GIT1: variants seen among roughly 807,000 people sequenced by gnomAD.
GIT1 encodes the protein ARF GTPase-activating protein GIT1.
GIT1 carries 14 observed loss-of-function variants against 91.7 expected under a neutral mutation model. The ratio of observed to expected loss-of-function variants is 0.15; its 90% CI spans 0.10 to 0.24. The LOEUF is 0.24. Among genes scored for constraint, GIT1 ranks in the 10% least tolerant of loss-of-function variants. The pLI, the probability that GIT1 is intolerant of heterozygous loss-of-function variation, is 1.00. For synonymous variants in GIT1, 414 were observed against 418.2 expected (o/e 0.99, Z 0.12); for missense variants, 717 against 1,024.9 (o/e 0.70, Z 4.10).
intron 9 of GIT1, among the ~76,000 whole-genome samples, chr17:29,578,004 A>G (rs1202696860): frequency 6.6e-6 from 1 of 152,204 alleles, no homozygotes; most frequent in Non-Finnish European, 1.5e-5. Context: ...TGTGGCCAGG[A>G]AGGAGTGATG....
At position 29,576,120 on chromosome 17, in the gene GIT1, G is replaced by A. The variant is rs113257610; in HGVS notation, c.1623C>T (p.Asp541=). 24 of 1,613,742 alleles carry A rather than the reference G, an allele frequency of 1.5e-5. No homozygotes were observed. The highest frequency in any genetic ancestry group is 5.3e-5 in the African/African-American group (4 of 75,010). Residue 541 remains aspartate, a synonymous_variant, in exon 15 of 20, where the codon GAC becomes GAT. Coordinates refer to ENST00000225394, the MANE Select transcript of GIT1 (RefSeq NM_014030.4). ...GGACGTGCACTGAATAGATGGCGTC[G>A]TCCTCTAGCTCCTGGGGATGTTAGC... is the stretch of plus-strand genomic sequence containing the variant. ...LQPFHSTELE[D]DAIYSVHVPA...
chr17:29,583,466 C>G lies in GIT1; in HGVS notation c.186+17G>C. The G allele has an allele frequency of 1.9e-6, 3 of 1,609,500 alleles. No homozygotes were observed. Among genetic ancestry groups the G allele is most frequent in the Non-Finnish European group, 2.5e-6 (3 of 1,178,964 alleles). ...CTGCCTGAGGGGAAGGAAGAACCAC[C>G]CGACTGAGCCCTGTACCTGCAGCAG... is the stretch of plus-strand genomic sequence containing the variant. On this transcript the variant is annotated intron_variant, in intron 2 of 19. Coordinates refer to ENST00000225394, the MANE Select transcript of GIT1 (RefSeq NM_014030.4).
chr17:29,577,179 C>A lies in GIT1; in HGVS notation c.1050G>T (p.Glu350Asp). The A allele has an allele frequency of 1.2e-6, 2 of 1,614,010 alleles. No individual in the cohort carries two copies. Among genetic ancestry groups the A allele is most frequent in the Non-Finnish European group, 1.7e-6 (2 of 1,180,022 alleles). Residue 350 changes from glutamate (E) to aspartate (D), a missense_variant, in exon 11 of 20, where the codon GAG (glutamate) becomes GAT (aspartate). Physicochemically the swap from Glu to Asp is conservative, Grantham distance 45 (BLOSUM62 2). Transcript: ENST00000225394. ...FATLIIDILS[E>D]AKRRQQGKSL... ...TCTTGCCCTGCTGTCTCCGCTTGGC[C>A]TCACTGAGAATGTCGATGATCAAGG... is the stretch of plus-strand genomic sequence containing the variant.
At chr17:29,584,481 G>A (rs2033514460) in intron 1 of GIT1, among the ~76,000 whole-genome samples, 1 of 152,232 alleles carries the variant, frequency 6.6e-6, no homozygotes, top group South Asian at 2.1e-4. Flanking sequence ...GAGTTCCGGG[G>A]TTCTTCTCAA....
intron 7 of GIT1, among the ~76,000 whole-genome samples, chr17:29,579,827 G>A (rs2033339113): frequency 6.6e-6 from 1 of 152,070 alleles, no homozygotes. Context: ...GATAACCAAG[G>A]CTCAGAGAGG....
intron 1 of GIT1, among the ~76,000 whole-genome samples, chr17:29,584,425 T>C (rs1272158952): frequency 2.6e-5 from 4 of 152,192 alleles, no homozygotes; most frequent in Non-Finnish European, 4.4e-5. Context: ...TCCACTCTTT[T>C]GGGAAAAGTG....
At chr17:29,580,637 CAA>C (rs1333458646) in intron 7 of GIT1, among the ~76,000 whole-genome samples, 2 of 152,210 alleles carry the variant, frequency 1.3e-5, no homozygotes, top group Non-Finnish European at 2.9e-5. Context: ...CCAGCAGTCA[CAA>C]AGTTAGTCAC....
chr17:29,586,955 G>T (rs140558637), intron 1 of GIT1, among the ~76,000 whole-genome samples: 124 of 152,294 alleles, frequency 8.1e-4, no homozygotes, highest in African/African-American at 2.9e-3. Context: ...CTTGTCCTGT[G>T]TGCCCATGCC....
chr17:29,589,605 C>T lies in GIT1; in HGVS notation c.-227G>A, dbSNP rs1488191179. Reference sequence around the variant, plus strand: ...CGCCCCGCGCCGCCCCGCCGCCGCTCGCGGCTCCTCTCTCCGCCCCCTGCG... The same window carrying T: ...CGCCCCGCGCCGCCCCGCCGCCGCTTGCGGCTCCTCTCTCCGCCCCCTGCG... On this transcript the variant is annotated 5_prime_UTR_variant, in exon 1 of 20. Coordinates refer to ENST00000225394, the MANE Select transcript of GIT1 (RefSeq NM_014030.4). The surrounding 1 kb of genome is among the most constrained non-coding windows in gnomAD (Gnocchi z 5.2). 1 of 148,624 alleles carries T rather than the reference C, an allele frequency of 6.7e-6. No homozygotes were observed. Among genetic ancestry groups the T allele is most frequent in the Non-Finnish European group, 1.5e-5 (1 of 66,614 alleles). The allele number at this position is 148,624 out of a possible 1,614,324, so 9.2% of individuals were successfully genotyped here.
chr17:29,577,802 G>A (rs1598568492), intron 9 of GIT1, 60 bp from the exon 10 acceptor site: 5 of 1,004,994 alleles, frequency 5.0e-6, no homozygotes, highest in East Asian at 4.8e-5. Flanking sequence ...GGTGGGGGTG[G>A]GGAAGCACTG....
intron 1 of GIT1, among the ~76,000 whole-genome samples, chr17:29,584,997 C>T (rs538058435): frequency 1.7e-4 from 23 of 137,532 alleles, no homozygotes; most frequent in Non-Finnish European, 3.2e-4. Context: ...GAGTCCCGCT[C>T]TGTCGCCCAG....
At chr17:29,576,817 C>A in intron 12 of GIT1, 46 bp downstream of exon 12, 1 of 1,577,038 alleles carries the variant, frequency 6.3e-7, no homozygotes, top group Non-Finnish European at 8.6e-7. Flanking sequence ...TCAGCGAAGG[C>A]CTGGGTCAGG....
chr17:29,574,450 A>G lies in GIT1; in HGVS notation c.*252T>C. The G allele has an allele frequency of 1.9e-6, 1 of 525,116 alleles. No homozygotes were observed. The highest frequency in any genetic ancestry group is 3.3e-5 in the Admixed American group (1 of 30,222). The allele number at this position is 525,116 out of a possible 1,614,324, so 32.5% of individuals were successfully genotyped here. ...GATGCCTTGCAGGCCCCTGCTCACT[A>G]GGAGGGGGGAGATGCTATATACAGA... is the stretch of plus-strand genomic sequence containing the variant. On this transcript the variant is annotated 3_prime_UTR_variant, in exon 20 of 20. Transcript: ENST00000225394.
intron 1 of GIT1, among the ~76,000 whole-genome samples, chr17:29,585,798 C>CG (rs2033574065): frequency 6.6e-6 from 1 of 152,254 alleles, no homozygotes; most frequent in African/African-American, 2.4e-5. Flanking sequence ...AAACCTGGGA[C>CG]GGAAAGGACA....
At chr17:29,584,754 G>A (rs2033529153) in intron 1 of GIT1, among the ~76,000 whole-genome samples, 1 of 152,278 alleles carries the variant, frequency 6.6e-6, no homozygotes, top group African/African-American at 2.4e-5. Context: ...CATCAGGGGA[G>A]GGACAGGCTT....
chr17:29,575,471 C>G lies in GIT1; in HGVS notation c.1827-1G>C, dbSNP rs761307212. ...CTCTAGAAACCTCTTCCCTTCCAGC[C>G]TGAGGCCCAGGTCCAGAAAACAGAG... On this transcript the variant is annotated splice_acceptor_variant, in intron 17 of 19. Coordinates refer to ENST00000225394, the MANE Select transcript of GIT1 (RefSeq NM_014030.4). LOFTEE classifies it high-confidence loss of function. This position sits in a 1 kb window ranked among gnomAD's most constrained non-coding sequence, Gnocchi z 5.5. The G allele has an allele frequency of 1.2e-6, 2 of 1,600,204 alleles. No homozygotes were observed. Among genetic ancestry groups the G allele is most frequent in the South Asian group, 2.2e-5 (2 of 89,626 alleles).
intron 1 of GIT1, among the ~76,000 whole-genome samples, chr17:29,586,509 T>C (rs892430290): frequency 9.2e-5 from 14 of 151,984 alleles, no homozygotes; most frequent in Admixed American, 9.2e-4. Context: ...GGATGAACAC[T>C]CAGGTGCAGG....
At position 29,575,315 on chromosome 17, in the gene GIT1, C is replaced by T. The variant is rs925891052; in HGVS notation, c.1982G>A (p.Arg661Gln). 1.2e-6 allele frequency: 2 copies of T among 1,613,014 alleles called. No individual in the cohort carries two copies. The highest frequency in any genetic ancestry group is 1.7e-6 in the Non-Finnish European group (2 of 1,179,748). The change falls in exon 18 of 20, where the codon CGG (arginine) becomes CAG (glutamine). Residue 661 changes from arginine to glutamine, a missense_variant. By Grantham distance (43) the Arg-to-Gln change is conservative. Coordinates refer to ENST00000225394, the MANE Select transcript of GIT1 (RefSeq NM_014030.4). The surrounding 1 kb of genome is among the most constrained non-coding windows in gnomAD (Gnocchi z 5.5). ...GTCATGCTTGAACTCCTGGGCTGCCCGCAACAGTTCCTGAATGTTCTTGGT... is the reference window on the plus strand; with the variant it reads ...GTCATGCTTGAACTCCTGGGCTGCCTGCAACAGTTCCTGAATGTTCTTGGT... Reference protein sequence around the residue: ...QVTKNIQELLRAAQEFKHDSF... With the variant: ...QVTKNIQELLQAAQEFKHDSF...
Position 29,575,731 on chromosome 17 carries a change from G to A in GIT1, c.1753-28C>T, listed in dbSNP as rs781123598. ...GGAGGGCGGAGGGAAGGGGCTGTGA[G>A]CGCCGTGTTCCTGGACCCACACTGC... is the stretch of plus-strand genomic sequence containing the variant. On this transcript the variant is annotated intron_variant, in intron 16 of 19. Transcript: ENST00000225394. This position sits in a 1 kb window ranked among gnomAD's most constrained non-coding sequence, Gnocchi z 5.5. 6.2e-7 allele frequency: 1 copy of A among 1,611,898 alleles called. No individual in the cohort carries two copies. The highest frequency in any genetic ancestry group is 8.5e-7 in the Non-Finnish European group (1 of 1,179,124).
Sources: gnomAD v4.1 joint callset for allele counts (sites outside exome capture counted in the v4.1 genomes callset) on GRCh38, gnomAD v4.1.1 for gene constraint, Gnocchi (gnomAD v3.1) non-coding constraint, MANE v1.5 for transcripts, NCBI Gene and HGNC (gene_info 2026-07-23, HGNC 2026-07-21) for gene names.